PACRG: variants seen among roughly 807,000 people sequenced by gnomAD.
PACRG encodes the protein parkin coregulated gene protein.
PACRG carries 29 observed loss-of-function variants against 29.7 expected under a neutral mutation model. That is an observed-to-expected ratio of 0.98 (90% confidence interval 0.73 to 1.33). The LOEUF is 1.33. Among genes scored for constraint, PACRG ranks in the 40% most tolerant of loss-of-function variants. PACRG has a pLI of 0.00. For missense variants in PACRG, 279 were observed against 316.2 expected, an observed-to-expected ratio of 0.88 and a Z score of 0.89; for synonymous variants, 116 against 118.7, an observed-to-expected ratio of 0.98 and a Z score of 0.15.
At chr6:163,260,394 C>T (rs1783279627) in intron 4 of PACRG, among the ~76,000 whole-genome samples, 2 of 152,242 alleles carry the variant, frequency 1.3e-5, no homozygotes, top group African/African-American at 4.8e-5. Context: ...GTTAGTCTCC[C>T]ACTCTGCAAT....
intron 1 of PACRG, among the ~76,000 whole-genome samples, chr6:162,794,179 T>A (rs1055634544): frequency 6.6e-6 from 1 of 152,150 alleles, no homozygotes. Flanking sequence ...AGATGTTTTA[T>A]TAGTGTTCTA....
At chr6:163,292,605 A>ATTTATTTATTT (rs1427994786) in intron 4 of PACRG, among the ~76,000 whole-genome samples, 45 of 37,322 alleles carry the variant, frequency 1.2e-3, no homozygotes, top group Non-Finnish European at 6.8e-4. Flanking sequence ...TTTATTTATT[A>ATTTATTTATTT]GTAGAGATAG....
At chr6:163,238,906 C>A (rs1350974729) in intron 4 of PACRG, among the ~76,000 whole-genome samples, 1 of 152,132 alleles carries the variant, frequency 6.6e-6, no homozygotes, top group African/African-American at 2.4e-5. Context: ...ATGCTTCAAC[C>A]TCACTTTTGG....
At chr6:162,763,279 C>T (rs535966551) in intron 1 of PACRG, among the ~76,000 whole-genome samples, 1 of 152,274 alleles carries the variant, frequency 6.6e-6, no homozygotes, top group African/African-American at 2.4e-5. Context: ...CCTGCACTTT[C>T]TTTAAGACTG....
chr6:162,896,876 G>A (rs1280495209), intron 2 of PACRG, among the ~76,000 whole-genome samples: 2 of 152,168 alleles, frequency 1.3e-5, no homozygotes, highest in Admixed American at 1.3e-4. Flanking sequence ...TTATGAGAAG[G>A]AAATACATTT....
At chr6:163,064,888 T>C (rs970066674) in intron 3 of PACRG, among the ~76,000 whole-genome samples, 3 of 151,862 alleles carry the variant, frequency 2.0e-5, no homozygotes, top group Non-Finnish European at 1.5e-5. Context: ...AAGCAAAATG[T>C]ATAAACTCAC....
chr6:163,083,374 T>C (rs549943170), intron 3 of PACRG, among the ~76,000 whole-genome samples: 3 of 152,316 alleles, frequency 2.0e-5, no homozygotes, highest in Non-Finnish European at 4.4e-5. Flanking sequence ...GCTTCCAGTC[T>C]TCCTGCTTTT....
At position 162,894,007 on chromosome 6, in the gene PACRG, C is replaced by T. The variant is rs75978089; in HGVS notation, c.291+79726C>T. 9.9e-3 allele frequency among the ~76,000 whole-genome samples: 1,509 copies of T among 152,278 alleles called. 28 individuals carry two copies. The highest frequency in any genetic ancestry group is 0.035 in the African/African-American group (1,449 of 41,554). On this transcript the variant is annotated intron_variant, in intron 2 of 4. Transcript: ENST00000366888. ...ACAGTGAATGGCAGTAACAAAGGCA[C>T]ACCACAGCAAGGGACCCAAGCTCGG...
chr6:162,800,940 A>G (rs1365392329), intron 1 of PACRG, among the ~76,000 whole-genome samples: 3 of 152,254 alleles, frequency 2.0e-5, no homozygotes, highest in East Asian at 1.9e-4. Flanking sequence ...TGAGGCTGCA[A>G]GGGTCCAATC....
At chr6:163,018,928 G>C (rs1806350120) in intron 2 of PACRG, among the ~76,000 whole-genome samples, 1 of 151,652 alleles carries the variant, frequency 6.6e-6, no homozygotes, top group Non-Finnish European at 1.5e-5. Context: ...CCTCTTTTTT[G>C]TCTCCTGTGT....
intron 4 of PACRG, among the ~76,000 whole-genome samples, chr6:163,113,772 T>C (rs1815836685): frequency 6.6e-6 from 1 of 151,914 alleles, no homozygotes. Context: ...AGGCCACAGA[T>C]TGAAATGACT....
chr6:162,961,915 C>T (rs1459793439), intron 2 of PACRG, among the ~76,000 whole-genome samples: 11 of 152,002 alleles, frequency 7.2e-5, no homozygotes, highest in Admixed American at 2.0e-4. Context: ...ACCTCTCTGT[C>T]TTTGCTCACA....
chr6:163,048,850 C>G (rs1047284402), intron 2 of PACRG, among the ~76,000 whole-genome samples: 1 of 152,070 alleles, frequency 6.6e-6, no homozygotes, highest in African/African-American at 2.4e-5. Context: ...GAAAATGTGA[C>G]ATGTATGACA....
intron 2 of PACRG, among the ~76,000 whole-genome samples, chr6:162,988,129 C>A (rs905253949): frequency 1.3e-5 from 2 of 152,242 alleles, no homozygotes; most frequent in Non-Finnish European, 1.5e-5. Flanking sequence ...GTTCTTGGAG[C>A]AAAAGTCCAT....
chr6:163,030,170 G>A (rs1476939393), intron 2 of PACRG, among the ~76,000 whole-genome samples: 1 of 151,764 alleles, frequency 6.6e-6, no homozygotes, highest in East Asian at 1.9e-4. Flanking sequence ...TACCATCAGA[G>A]TCACAAGGGC....
intron 1 of PACRG, among the ~76,000 whole-genome samples, chr6:162,804,845 C>G (rs1786184491): frequency 6.6e-6 from 1 of 152,098 alleles, no homozygotes. Flanking sequence ...TCATGTATTC[C>G]TTAAATGTGG....
intron 4 of PACRG, among the ~76,000 whole-genome samples, chr6:163,307,714 C>A (rs924815799): frequency 4.6e-5 from 7 of 152,096 alleles, no homozygotes; most frequent in Admixed American, 3.9e-4. Flanking sequence ...AAAGTTGAGT[C>A]CCCTCAAAGT....
intron 4 of PACRG, among the ~76,000 whole-genome samples, chr6:163,110,225 C>T (rs982961034): frequency 2.0e-5 from 3 of 152,184 alleles, no homozygotes; most frequent in South Asian, 2.1e-4. Flanking sequence ...GGGAAGAGTT[C>T]GCTTCCTGGT....
chr6:163,245,705 C>T (rs1782667683), intron 4 of PACRG, among the ~76,000 whole-genome samples: 1 of 152,128 alleles, frequency 6.6e-6, no homozygotes, highest in African/African-American at 2.4e-5. Context: ...GAGCTTCTAA[C>T]TCCTGTGTCC....
Sources: gnomAD v4.1 joint callset for allele counts (sites outside exome capture counted in the v4.1 genomes callset) on GRCh38, gnomAD v4.1.1 for gene constraint, MANE v1.5 for transcripts, NCBI Gene and HGNC (gene_info 2026-07-23, HGNC 2026-07-21) for gene names.